The following DGKH variants were observed in gnomAD, a reference collection of about 807,000 sequenced individuals.
The protein encoded by DGKH is diacylglycerol kinase eta.
In DGKH, 90 loss-of-function variants were observed where a neutral mutation model predicts 159.3. That is an observed-to-expected ratio of 0.57 (90% CI 0.48 to 0.67). DGKH has a LOEUF of 0.67. Ranked by LOEUF, DGKH falls within the 30% of genes least tolerant of loss-of-function variation. The pLI, the probability that DGKH is intolerant of heterozygous loss-of-function variation, is 0.00. For synonymous variants in DGKH, 536 were observed against 553.8 expected (o/e 0.97, Z 0.45); for missense variants, 1,181 against 1,506.1 (o/e 0.78, Z 3.57).
intron 1 of DGKH, among the ~76,000 whole-genome samples, chr13:42,079,984 C>T (rs151040945): frequency 2.6e-5 from 4 of 152,250 alleles, no homozygotes; most frequent in Admixed American, 2.6e-4. Context: ...CATTTTCCTT[C>T]CACTTTCTTT....
intron 3 of DGKH, among the ~76,000 whole-genome samples, chr13:42,135,079 G>A (rs1354413290): frequency 6.6e-6 from 1 of 152,124 alleles, no homozygotes. Context: ...TTACACAAGT[G>A]TCTTCTGCCA....
intron 29 of DGKH, among the ~76,000 whole-genome samples, chr13:42,223,943 G>T (rs1958052941): frequency 6.6e-6 from 1 of 151,836 alleles, no homozygotes; most frequent in Admixed American, 6.6e-5. Context: ...ATTCCACTAG[G>T]TCCTTGTATA....
chr13:42,174,431 TTAAATGATG>T (rs1421488147), intron 12 of DGKH, among the ~76,000 whole-genome samples: 4 of 151,976 alleles, frequency 2.6e-5, no homozygotes, highest in African/African-American at 9.7e-5. Context: ...GTCATGGGAG[TTAAATGATG>T]TAACAGATGT....
chr13:42,202,902 A>G (rs1251964746), intron 20 of DGKH, among the ~76,000 whole-genome samples: 4 of 152,204 alleles, frequency 2.6e-5, no homozygotes, highest in African/African-American at 9.6e-5. Flanking sequence ...AGACTGTTCT[A>G]TTTATTAACT....
intron 29 of DGKH, among the ~76,000 whole-genome samples, chr13:42,225,793 G>T (rs972916221): frequency 4.7e-5 from 7 of 148,716 alleles, no homozygotes; most frequent in Non-Finnish European, 8.9e-5. Context: ...AAAAGAATAT[G>T]ATAAAAATTA....
Position 42,154,400 on chromosome 13 carries a change from A to C in DGKH, c.385-891A>C, listed in dbSNP as rs1054903445. On this transcript the variant is annotated intron_variant, in intron 3 of 29. Transcript: ENST00000337343. ...AGATTCCAACCAGAATATTGTATTC[A>C]CAAATAAATAGGGGCTTCTTTCAAG... Among the ~76,000 whole-genome samples the C allele has an allele frequency of 3.3e-5, 5 of 152,368 alleles. No homozygotes were observed. In the East Asian group the frequency reaches 9.6e-4, roughly 29 times the overall value.
chr13:42,148,700 G>A (rs1432921858), intron 3 of DGKH, among the ~76,000 whole-genome samples: 2 of 152,092 alleles, frequency 1.3e-5, no homozygotes, highest in African/African-American at 2.4e-5. Context: ...GTACTCTTTG[G>A]TGTGGTTAAA....
At chr13:42,142,393 C>T (rs1056740147) in intron 3 of DGKH, among the ~76,000 whole-genome samples, 5 of 150,826 alleles carry the variant, frequency 3.3e-5, no homozygotes, top group African/African-American at 1.2e-4. Flanking sequence ...TTTTTTGGTT[C>T]CATATGAACT....
chr13:42,175,879 A>T (rs895196579), intron 12 of DGKH, among the ~76,000 whole-genome samples: 2 of 152,238 alleles, frequency 1.3e-5, no homozygotes, highest in Admixed American at 1.3e-4. Flanking sequence ...TAGCTTTTGT[A>T]TACTTCATTA....
intron 1 of DGKH, among the ~76,000 whole-genome samples, chr13:42,071,628 C>T (rs141785378): frequency 2.9e-3 from 445 of 152,312 alleles, no homozygotes; most frequent in African/African-American, 1.0e-2. Flanking sequence ...GAACCCCTGG[C>T]GGCTGTTGGA....
chr13:42,210,502 G>A (rs1298362623), intron 23 of DGKH, 100 bp from the exon 24 acceptor site: 8 of 1,146,586 alleles, frequency 7.0e-6, no homozygotes, highest in Non-Finnish European at 9.9e-6. Context: ...TATTTGAGGA[G>A]TCATTAGAGA....
At chr13:42,136,076 C>T (rs1309180432) in intron 3 of DGKH, among the ~76,000 whole-genome samples, 1 of 152,166 alleles carries the variant, frequency 6.6e-6, no homozygotes, top group Non-Finnish European at 1.5e-5. Flanking sequence ...CCTCAACAGT[C>T]ATTGAGAATA....
chr13:42,154,979 A>G (rs958680287), intron 3 of DGKH, among the ~76,000 whole-genome samples: 1 of 152,172 alleles, frequency 6.6e-6, no homozygotes, highest in Non-Finnish European at 1.5e-5. Context: ...TAAGCTTACT[A>G]TGAATTATTT....
rs1956658184 is a variant in DGKH, at chr13:42,178,280, C to T, written c.1538+60C>T. ...AAAATGAAATGATAGCTGGCTCCTA[C>T]CATTTAGGTCATTTCTTTGTGAGTT... is the stretch of plus-strand genomic sequence containing the variant. On this transcript the variant is annotated intron_variant, in intron 13 of 29. Transcript: ENST00000337343. The T allele has an allele frequency of 3.9e-6, 5 of 1,274,990 alleles. No individual in the cohort carries two copies. The East Asian group carries it at 7.2e-5, about 18-fold the overall frequency. The allele number at this position is 1,274,990 out of a possible 1,614,324, so 79.0% of individuals were successfully genotyped here.
At chr13:42,100,447 C>A (rs1024477255) in intron 1 of DGKH, among the ~76,000 whole-genome samples, 1 of 151,886 alleles carries the variant, frequency 6.6e-6, no homozygotes, top group Non-Finnish European at 1.5e-5. Flanking sequence ...CTGAAACCAC[C>A]CCCTCCACCC....
At chr13:42,177,362 ATCAT>A (rs1956631787) in intron 12 of DGKH, among the ~76,000 whole-genome samples, 1 of 152,232 alleles carries the variant, frequency 6.6e-6, no homozygotes, top group Non-Finnish European at 1.5e-5. Context: ...TTGGCTATAA[ATCAT>A]TCATTCTCAT....
intron 1 of DGKH, among the ~76,000 whole-genome samples, chr13:42,079,953 A>G (rs1269262842): frequency 6.6e-6 from 1 of 152,176 alleles, no homozygotes; most frequent in Non-Finnish European, 1.5e-5. Flanking sequence ...TAACTTGGCT[A>G]AATATGACAC....
intron 3 of DGKH, among the ~76,000 whole-genome samples, chr13:42,144,659 G>A (rs1955673155): frequency 6.6e-6 from 1 of 151,418 alleles, no homozygotes; most frequent in Non-Finnish European, 1.5e-5. Flanking sequence ...TCTTGCTTGG[G>A]TGGTAGAGTG....
chr13:42,208,836 A>C (rs1957568833), intron 21 of DGKH, 123 bp from the exon 22 acceptor site: 1 of 299,588 alleles, frequency 3.3e-6, no homozygotes. Flanking sequence ...ATTTCCTAAT[A>C]ATATTTACTT....
Sources: gnomAD v4.1 joint callset for allele counts (sites outside exome capture counted in the v4.1 genomes callset) on GRCh38, gnomAD v4.1.1 for gene constraint, MANE v1.5 for transcripts, NCBI Gene and HGNC (gene_info 2026-07-23, HGNC 2026-07-21) for gene names.